INF2: variants seen among roughly 807,000 people sequenced by gnomAD.
The protein encoded by INF2 is inverted formin-2.
In INF2, 43 loss-of-function variants were observed where a neutral mutation model predicts 123.5. The observed-to-expected ratio is 0.35, with a 90% CI of 0.27 to 0.45. The LOEUF is 0.45. Ranked by LOEUF, INF2 falls within the 20% of genes least tolerant of loss-of-function variation. The pLI is 1.00. For synonymous variants in INF2, 851 were observed against 745.0 expected (o/e 1.14, Z -2.32); for missense variants, 1,453 against 1,682.7 (o/e 0.86, Z 2.39).
At chr14:104,688,189 C>T (rs1888732861), upstream of INF2, among the ~76,000 whole-genome samples, 1 of 152,372 alleles carries the variant, frequency 6.6e-6, no homozygotes, top group South Asian at 2.1e-4. Context: ...GTCCAGTGAG[C>T]GCCTGCCTTG....
upstream of INF2, chr14:104,689,587 T>TGCAA: frequency 2.8e-5 from 24 of 851,052 alleles, no homozygotes; most frequent in Middle Eastern, 6.1e-4. Flanking sequence ...CACCTCCTCT[T>TGCAA]CCTCCCGCCC....
chr14:104,707,804 G>A lies in INF2; in HGVS notation c.1537G>A (p.Gly513Ser). Reference sequence around the variant, plus strand: ...ACCCCTGCTGCCTGGTATGGGCTGGGGCCCTCCTCCACCCCCACCTCCACT... The same window carrying A: ...ACCCCTGCTGCCTGGTATGGGCTGGAGCCCTCCTCCACCCCCACCTCCACT... The part of the protein sequence containing the change: ...PPPLLPGMGW[G>S]PPPPPPPLLP... Residue 513 changes from glycine to serine, a missense_variant, in exon 8 of 23, where the codon GGC (glycine) becomes AGC (serine). Gly to Ser is a moderately conservative substitution (Grantham distance 56, BLOSUM62 0). Coordinates refer to ENST00000392634, the MANE Select transcript of INF2 (RefSeq NM_022489.4). 1 of 1,522,552 alleles carries A rather than the reference G, an allele frequency of 6.6e-7. No homozygotes were observed. The allele number at this position is 1,522,552 out of a possible 1,614,324, so 94.3% of individuals were successfully genotyped here.
intron 2 of INF2, among the ~76,000 whole-genome samples, chr14:104,702,303 G>C (rs906742025): frequency 6.6e-6 from 1 of 152,092 alleles, no homozygotes; most frequent in Non-Finnish European, 1.5e-5. Context: ...ACTCGTTCCC[G>C]GCAGGCAGGC....
chr14:104,718,501 AG>A (rs1235869239), intron 22 of INF2, among the ~76,000 whole-genome samples: 4 of 151,664 alleles, frequency 2.6e-5, no homozygotes, highest in Non-Finnish European at 5.9e-5. Flanking sequence ...GGTCTCAGAC[AG>A]GGGGTGGGGG....
rs1890244765 is a variant in INF2, at chr14:104,715,288, T to TC, written c.3704dup (p.Asp1236Ter). 1.2e-6 allele frequency: 2 copies of TC among 1,613,272 alleles called. No individual in the cohort carries two copies. The highest frequency in any genetic ancestry group is 1.3e-5 in the African/African-American group (1 of 74,902). On this transcript the variant is annotated frameshift_variant, in exon 22 of 23. Transcript: ENST00000392634. LOFTEE classifies it high-confidence loss of function. ...GTTTCTTTTATTTGGAAGCAGAGGT[T>TC]CCCCCTGATTCTGATGATAATAAAA... is the stretch of plus-strand genomic sequence containing the variant.
At chr14:104,702,867 G>C (rs1300878114) in intron 2 of INF2, among the ~76,000 whole-genome samples, 1 of 152,258 alleles carries the variant, frequency 6.6e-6, no homozygotes. Context: ...ACAGGATGGG[G>C]CAGCTGCCTC....
chr14:104,711,520 T>G (rs999552027), intron 15 of INF2, 109 bp from the exon 16 acceptor site: 4 of 984,192 alleles, frequency 4.1e-6, no homozygotes, highest in Middle Eastern at 2.1e-4. Context: ...GTACTGGGGG[T>G]TTTCTGGACC....
rs568408911 is a variant in INF2 at position 104,713,698 on chromosome 14, C to T, written c.3040+92C>T. 38 of 1,415,992 alleles carry T rather than the reference C, an allele frequency of 2.7e-5. No individual in the cohort carries two copies. The South Asian group carries it at 2.8e-4, about 10-fold the overall frequency. The allele number at this position is 1,415,992 out of a possible 1,614,324, so 87.7% of individuals were successfully genotyped here. ...AGTCCTCCTGACTTCACTGGAAAGCCCTCTCCTCTCCCTGGGCCACCCTGG... is the reference window on the plus strand; with the variant it reads ...AGTCCTCCTGACTTCACTGGAAAGCTCTCTCCTCTCCCTGGGCCACCCTGG... On this transcript the variant is annotated intron_variant, in intron 20 of 22. Transcript: ENST00000392634.
intron 5 of INF2, 105 bp from the exon 6 acceptor site, chr14:104,705,930 A>T (rs748054854): frequency 4.2e-6 from 6 of 1,413,950 alleles, no homozygotes; most frequent in Middle Eastern, 2.5e-4. Context: ...TCAGAGTCCC[A>T]GGTGGGCTGA....
At chr14:104,685,290 C>G (rs1888628032), upstream of INF2, among the ~76,000 whole-genome samples, 1 of 152,174 alleles carries the variant, frequency 6.6e-6, no homozygotes, top group African/African-American at 2.4e-5. Flanking sequence ...AAGCCCTGAC[C>G]AATGTCTACC....
Position 104,713,236 on chromosome 14 carries a change from G to A in INF2, c.2805G>A (p.Ala935=), listed in dbSNP as rs375345304. 4.3e-5 allele frequency: 67 copies of A among 1,553,130 alleles called. No individual in the cohort carries two copies. The highest frequency in any genetic ancestry group is 5.3e-5 in the Non-Finnish European group (61 of 1,149,110). ...ACAAGGACCGGAAGGAGCAGGCGGC[G>A]AAGGCAGAGAGGAGGAAGCAGCAGC... The part of the protein sequence containing the change: ...KENKDRKEQA[A]KAERRKQQLA... The change falls in exon 19 of 23, where the codon GCG becomes GCA. Residue 935 remains alanine (A), a synonymous_variant. Coordinates refer to ENST00000392634, the MANE Select transcript of INF2 (RefSeq NM_022489.4).
At position 104,711,331 on chromosome 14, in the gene INF2, C is replaced by T. The variant is rs1415588123; in HGVS notation, c.2418+145C>T. On this transcript the variant is annotated intron_variant, in intron 15 of 22. Transcript: ENST00000392634. ...GGGCTCCGTCTAGAGCCAGCAGCCT[C>T]AGTCAGAGCCACGCCCCCACCCCTC... 5 of 744,970 alleles carry T rather than the reference C, an allele frequency of 6.7e-6. No homozygotes were observed. The East Asian group carries it at 1.3e-4, about 20-fold the overall frequency. The allele number at this position is 744,970 out of a possible 1,614,324, so 46.1% of individuals were successfully genotyped here.
chr14:104,688,842 C>G (rs1476777515), upstream of INF2, among the ~76,000 whole-genome samples: 1 of 152,234 alleles, frequency 6.6e-6, no homozygotes, highest in African/African-American at 2.4e-5. Context: ...GGGTCTGGCT[C>G]TCATCCAACC....
intron 5 of INF2, 122 bp downstream of exon 5, chr14:104,704,071 C>G: frequency 6.5e-7 from 1 of 1,548,048 alleles, no homozygotes; most frequent in Non-Finnish European, 8.7e-7. Context: ...GGAGGTGGCT[C>G]CCTCGGAGTA....
chr14:104,700,874 C>G (rs906724382), intron 1 of INF2: 41 of 985,162 alleles, frequency 4.2e-5, no homozygotes, highest in Non-Finnish European at 4.5e-5. Flanking sequence ...GGTTTGGAAT[C>G]TCCCTGTCCA....
chr14:104,712,799 A>G (rs370129599), intron 17 of INF2, 29 bp from the exon 18 acceptor site: 57 of 1,588,340 alleles, frequency 3.6e-5, no homozygotes, highest in Non-Finnish European at 4.5e-5. Flanking sequence ...CGGGGCTCTC[A>G]CGGGACTGTC....
intron 12 of INF2, 117 bp downstream of exon 12, chr14:104,709,822 T>G: frequency 1.1e-6 from 1 of 909,566 alleles, no homozygotes; most frequent in Non-Finnish European, 1.8e-6. Context: ...TGCCCCGGGC[T>G]CCAGGAGCAG....
At position 104,714,528 on chromosome 14, in the gene INF2, T is replaced by C; in HGVS notation, c.3366T>C (p.Pro1122=). 6.2e-7 allele frequency: 1 copy of C among 1,612,806 alleles called. No homozygotes were observed. The highest frequency in any genetic ancestry group is 8.5e-7 in the Non-Finnish European group (1 of 1,179,874). Residue 1122 remains proline (P), a synonymous_variant, in exon 21 of 23, where the codon CCT becomes CCC. Coordinates refer to ENST00000392634, the MANE Select transcript of INF2 (RefSeq NM_022489.4). ...TCAAGTTCTCCAGCAACCAGCCCCCTGCAGCCGGAAGTTCAAGGCAAGATG... is the reference window on the plus strand; with the variant it reads ...TCAAGTTCTCCAGCAACCAGCCCCCCGCAGCCGGAAGTTCAAGGCAAGATG... ...KPLKFSSNQP[P]AAGSSRQDAK...
Position 104,699,769 on chromosome 14 carries a change from G to A in INF2, c.-9-1588G>A, listed in dbSNP as rs7153623. Reference sequence around the variant, plus strand: ...CTCTCAGGATGCTCCTGGCAGCCTGGTGCTGGAGGTGCAGAAGAAGAAACT... The same window carrying A: ...CTCTCAGGATGCTCCTGGCAGCCTGATGCTGGAGGTGCAGAAGAAGAAACT... On this transcript the variant is annotated intron_variant, in intron 1 of 22. Transcript: ENST00000392634. This position sits in a 1 kb window ranked among gnomAD's most constrained non-coding sequence, Gnocchi z 4.7. 0.18 allele frequency among the ~76,000 whole-genome samples: 27,079 copies of A among 152,164 alleles called. 3,861 individuals are homozygous for A. The highest frequency in any genetic ancestry group is 0.4 in the African/African-American group (16,566 of 41,472).
Sources: gnomAD v4.1 joint callset for allele counts (sites outside exome capture counted in the v4.1 genomes callset) on GRCh38, gnomAD v4.1.1 for gene constraint, Gnocchi (gnomAD v3.1) non-coding constraint, MANE v1.5 for transcripts, NCBI Gene and HGNC (gene_info 2026-07-23, HGNC 2026-07-21) for gene names.